The following L3MBTL3 variants were observed in gnomAD, a reference collection of about 807,000 sequenced individuals.
The protein encoded by L3MBTL3 is lethal(3)malignant brain tumor-like protein 3.
In L3MBTL3, 27 loss-of-function variants were observed where a neutral mutation model predicts 102.3. The ratio of observed to expected loss-of-function variants is 0.26; its 90% confidence interval spans 0.19 to 0.36. The LOEUF is 0.36. L3MBTL3 is among the 10% of genes least tolerant of loss of function. L3MBTL3 has a pLI of 1.00. For synonymous variants in L3MBTL3, 340 were observed against 320.9 expected (o/e 1.06, Z -0.64); for missense variants, 798 against 955.3 (o/e 0.84, Z 2.17).
At chr6:130,056,355 C>T (rs1006792502) in intron 8 of L3MBTL3, among the ~76,000 whole-genome samples, 32 of 152,144 alleles carry the variant, frequency 2.1e-4, no homozygotes, top group Non-Finnish European at 1.2e-4. Context: ...GACCTTGGGT[C>T]ACTTCCATAG....
chr6:130,097,817 C>CA (rs1477444962), intron 18 of L3MBTL3, among the ~76,000 whole-genome samples: 1 of 152,034 alleles, frequency 6.6e-6, no homozygotes, highest in Non-Finnish European at 1.5e-5. Context: ...TCTGTGATTC[C>CA]AGCACTTTGG....
intron 13 of L3MBTL3, among the ~76,000 whole-genome samples, 183 bp from the exon 14 acceptor site, chr6:130,078,375 A>C (rs1170617412): frequency 6.6e-6 from 1 of 152,184 alleles, no homozygotes; most frequent in Non-Finnish European, 1.5e-5. Flanking sequence ...TTATCTAATA[A>C]AAATCCACTT....
chr6:130,043,582 A>C (rs1426051170), intron 3 of L3MBTL3, among the ~76,000 whole-genome samples: 1 of 152,122 alleles, frequency 6.6e-6, no homozygotes, highest in African/African-American at 2.4e-5. Flanking sequence ...GGCCCTTTAG[A>C]CTTTGTGTTT....
In L3MBTL3 at chr6:130,086,938, A is replaced by G. The variant is rs145630250; in HGVS notation, c.1518+688A>G. Among the ~76,000 whole-genome samples the G allele has an allele frequency of 8.9e-4, 136 of 152,320 alleles. No individual in the cohort carries two copies. In the East Asian group the frequency reaches 0.012, roughly 13 times the overall value. The stretch of plus-strand genomic sequence containing the variant: ...AATAGTTATAACAGCAAGACATTAA[A>G]TGTACATGATGTTTTACAGGGTAAC... On this transcript the variant is annotated intron_variant, in intron 16 of 22. Transcript: ENST00000361794.
chr6:130,049,572 A>C, intron 4 of L3MBTL3, 179 bp downstream of exon 4: 1 of 697,296 alleles, frequency 1.4e-6, no homozygotes, highest in South Asian at 1.9e-5. Context: ...TAAAATAACT[A>C]TAAACTGTCT....
At chr6:130,098,452 A>G (rs1253644307) in intron 18 of L3MBTL3, among the ~76,000 whole-genome samples, 2 of 152,206 alleles carry the variant, frequency 1.3e-5, no homozygotes, top group Non-Finnish European at 2.9e-5. Flanking sequence ...TCAGCTTTTT[A>G]TGAGGGAAGC....
intron 20 of L3MBTL3, among the ~76,000 whole-genome samples, chr6:130,123,479 A>G (rs77478330): frequency 2.3e-3 from 355 of 152,232 alleles, no homozygotes; most frequent in African/African-American, 7.7e-3. Flanking sequence ...ATTATTGCAC[A>G]TATTTTTATA....
chr6:130,063,160 AAGG>A (rs1235662296), intron 10 of L3MBTL3, among the ~76,000 whole-genome samples: 1 of 152,150 alleles, frequency 6.6e-6, no homozygotes, highest in African/African-American at 2.4e-5. Flanking sequence ...TCTTAGGCAG[AAGG>A]AGGAGTCTCT....
intron 10 of L3MBTL3, among the ~76,000 whole-genome samples, chr6:130,063,612 G>A (rs966723888): frequency 2.6e-5 from 4 of 152,144 alleles, no homozygotes; most frequent in Non-Finnish European, 5.9e-5. Flanking sequence ...TCTGTTTAAA[G>A]ACACCTCATT....
intron 7 of L3MBTL3, among the ~76,000 whole-genome samples, chr6:130,054,327 G>T (rs960360931): frequency 3.3e-5 from 5 of 152,192 alleles, no homozygotes; most frequent in African/African-American, 1.2e-4. Flanking sequence ...GGTGTTCATT[G>T]TATTCTGAGT....
At chr6:130,130,767 T>A (rs946831228) in intron 20 of L3MBTL3, among the ~76,000 whole-genome samples, 1 of 152,210 alleles carries the variant, frequency 6.6e-6, no homozygotes, top group Non-Finnish European at 1.5e-5. Flanking sequence ...TTTGAAATGT[T>A]TCATGTGGAG....
At chr6:130,092,649 T>G (rs1206737107) in intron 16 of L3MBTL3, 96 bp from the exon 17 acceptor site, 1 of 686,176 alleles carries the variant, frequency 1.5e-6, no homozygotes, top group Non-Finnish European at 2.6e-6. Context: ...ATCTACTGTA[T>G]GTGTTAGAAT....
Position 130,083,312 on chromosome 6 carries a change from T to G in L3MBTL3, c.1322-308T>G, listed in dbSNP as rs186823537. Among the ~76,000 whole-genome samples the G allele has an allele frequency of 1.6e-3, 251 of 152,220 alleles. 2 individuals are homozygous for G. The highest frequency in any genetic ancestry group is 5.7e-3 in the African/African-American group (235 of 41,566). ...TGTTGCCTTTATTGCATATGTCAGA[T>G]TTTTCTAGATTCTCCAATACAAAAT... On this transcript the variant is annotated intron_variant, in intron 14 of 22. Coordinates refer to ENST00000361794, the MANE Select transcript of L3MBTL3 (RefSeq NM_032438.4).
At chr6:130,033,351 G>T (rs368563426) in intron 2 of L3MBTL3, among the ~76,000 whole-genome samples, 5 of 151,844 alleles carry the variant, frequency 3.3e-5, no homozygotes, top group East Asian at 1.9e-4. Context: ...GACAGTTAAC[G>T]GTTAGTGAGT....
At chr6:130,053,114 G>T (rs1781212238) in intron 7 of L3MBTL3, 123 bp downstream of exon 7, 2 of 672,880 alleles carry the variant, frequency 3.0e-6, no homozygotes, top group Non-Finnish European at 5.1e-6. Flanking sequence ...ATCTGTGTTA[G>T]TGTCAGTAAG....
chr6:130,071,942 G>T (rs1782662577), intron 13 of L3MBTL3, among the ~76,000 whole-genome samples: 1 of 152,058 alleles, frequency 6.6e-6, no homozygotes, highest in South Asian at 2.1e-4. Flanking sequence ...TAAAAAAGAA[G>T]AGATGTTGAA....
intron 19 of L3MBTL3, among the ~76,000 whole-genome samples, chr6:130,112,620 A>G (rs909154584): frequency 5.9e-5 from 9 of 152,162 alleles, no homozygotes; most frequent in Admixed American, 5.9e-4. Context: ...GTCACCAGAG[A>G]GGGATGCAGC....
intron 2 of L3MBTL3, among the ~76,000 whole-genome samples, chr6:130,022,613 CTG>C (rs1187575519): frequency 6.6e-6 from 1 of 151,934 alleles, no homozygotes; most frequent in East Asian, 1.9e-4. Flanking sequence ...AGTGGAAAAA[CTG>C]GAATAAAATG....
rs1582652278 is a variant in L3MBTL3 at position 130,133,606 on chromosome 6, A to G, written c.2121A>G (p.Lys707=). ...VAGIPASKVS[K]WSTDEVSEFI... ...GAATCCCTGCCAGTAAAGTTTCCAA[A>G]TGGAGCACAGACGAGGTATATTTTA... Residue 707 remains lysine (K), a synonymous_variant, in exon 21 of 23, where the codon AAA becomes AAG. Transcript: ENST00000361794. This position sits in a 1 kb window ranked among gnomAD's most constrained non-coding sequence, Gnocchi z 4.9. 6.2e-7 allele frequency: 1 copy of G among 1,613,828 alleles called. No homozygotes were observed. The highest frequency in any genetic ancestry group is 8.5e-7 in the Non-Finnish European group (1 of 1,179,988).
Sources: gnomAD v4.1 joint callset for allele counts (sites outside exome capture counted in the v4.1 genomes callset) on GRCh38, gnomAD v4.1.1 for gene constraint, Gnocchi (gnomAD v3.1) non-coding constraint, MANE v1.5 for transcripts, NCBI Gene and HGNC (gene_info 2026-07-23, HGNC 2026-07-21) for gene names.